The following STS variants were observed in gnomAD, a reference collection of about 807,000 sequenced individuals.
STS encodes steryl-sulfatase.
In STS, 7 loss-of-function variants were observed where a neutral mutation model predicts 26.8. The observed-to-expected ratio is 0.26, with a 90% CI of 0.15 to 0.49. The LOEUF (loss-of-function observed/expected upper bound fraction) is 0.49. Among genes scored for constraint, STS ranks in the 20% least tolerant of loss-of-function variants. STS has a pLI of 0.98. For synonymous variants in STS, 199 were observed against 189.4 expected (o/e 1.05, Z -0.42); for missense variants, 434 against 465.6 (o/e 0.93, Z 0.63).
At chrX:7,347,690 A>G (rs1239840776) in intron 10 of STS, among the ~76,000 whole-genome samples, 1 of 111,701 alleles carries the variant, frequency 9.0e-6, no homozygotes, top group African/African-American at 3.3e-5. Context: ...CTTGACTCGA[A>G]TGTCAAGTTC....
chrX:7,153,375 T>C (rs1459183971), intron 1 of STS, among the ~76,000 whole-genome samples: 1 of 91,866 alleles, frequency 1.1e-5, no homozygotes, highest in Non-Finnish European at 2.1e-5. Context: ...CTCCACTCTC[T>C]CCCTCTCTCA....
intron 6 of STS, among the ~76,000 whole-genome samples, chrX:7,268,959 G>A (rs1326806881): frequency 9.2e-6 from 1 of 109,279 alleles, no homozygotes; most frequent in Non-Finnish European, 1.9e-5. Flanking sequence ...GACCAGCCTG[G>A]GCAATATAGT....
chrX:7,273,784 A>G (rs1295718533), intron 6 of STS, among the ~76,000 whole-genome samples: 2 of 110,641 alleles, frequency 1.8e-5, no homozygotes, highest in Non-Finnish European at 3.8e-5. Flanking sequence ...CCTATTAAAA[A>G]AAAAAGAAAT....
chrX:7,294,479 C>T (rs761824910), intron 7 of STS, among the ~76,000 whole-genome samples: 2 of 111,108 alleles, frequency 1.8e-5, no homozygotes, highest in East Asian at 5.7e-4. Flanking sequence ...TGAATACTAT[C>T]AATAATTAGC....
At chrX:7,339,540 C>G (rs1408885794) in intron 10 of STS, among the ~76,000 whole-genome samples, 1 of 112,247 alleles carries the variant, frequency 8.9e-6, no homozygotes, top group Non-Finnish European at 1.9e-5. Flanking sequence ...TTATTTCACT[C>G]ATGTGCCTGT....
At chrX:7,229,875 C>CT (rs1362149143) in intron 2 of STS, among the ~76,000 whole-genome samples, 4 of 106,857 alleles carry the variant, frequency 3.7e-5, no homozygotes, top group African/African-American at 1.4e-4. Context: ...CATCTTCAGC[C>CT]TTTTTTTTGT....
Position 7,257,277 on chromosome X carries a change from T to G in STS, c.173T>G (p.Val58Gly), listed in dbSNP as rs1923462449. 1.7e-6 allele frequency: 2 copies of G among 1,209,202 alleles called. No individual in the cohort carries two copies. The highest frequency in any genetic ancestry group is 3.5e-5 in the African/African-American group (2 of 57,164). ...PNIDRLASGGVKLTQHLAASP... is the reference protein window; with the variant it reads ...PNIDRLASGGGKLTQHLAASP... ...ATCGACCGGTTGGCCAGTGGGGGAG[T>G]GAAACTCACTCAGCACCTGGCAGCA... The change falls in exon 4 of 11, where the codon GTG (valine) becomes GGG (glycine). Residue 58 changes from valine to glycine, a missense_variant. Physicochemically the swap from Val to Gly is moderately radical, Grantham distance 109. Transcript: ENST00000674429.
At chrX:7,152,701 G>A (rs1601615583) in intron 1 of STS, among the ~76,000 whole-genome samples, 8 of 112,873 alleles carry the variant, frequency 7.1e-5, no homozygotes, top group Admixed American at 9.3e-5. Context: ...GGGAGGAGGG[G>A]AGACATCATT....
chrX:7,279,560 T>C (rs973130440), intron 7 of STS, among the ~76,000 whole-genome samples: 5 of 108,174 alleles, frequency 4.6e-5, no homozygotes, highest in South Asian at 8.1e-4. Flanking sequence ...AGAGATTATC[T>C]TGTAATTTAA....
At chrX:7,203,845 C>T (rs1934123232) in intron 2 of STS, among the ~76,000 whole-genome samples, 1 of 111,351 alleles carries the variant, frequency 9.0e-6, no homozygotes, top group Non-Finnish European at 1.9e-5. Flanking sequence ...AATACGATGG[C>T]ACAGTCATAG....
chrX:7,157,889 C>A (rs914035473), intron 1 of STS, among the ~76,000 whole-genome samples: 1 of 111,531 alleles, frequency 9.0e-6, no homozygotes, highest in Non-Finnish European at 1.9e-5. Context: ...ACAGGATACT[C>A]ATTTGACAGC....
intron 10 of STS, among the ~76,000 whole-genome samples, chrX:7,344,819 T>C: frequency 9.0e-6 from 1 of 111,528 alleles, no homozygotes; most frequent in Non-Finnish European, 1.9e-5. Flanking sequence ...GTGTCTATCA[T>C]GCGCGCAGTG....
At chrX:7,277,630 C>A (rs1924604383) in intron 7 of STS, among the ~76,000 whole-genome samples, 2 of 111,383 alleles carry the variant, frequency 1.8e-5, no homozygotes, top group Admixed American at 9.6e-5. Context: ...TAGGCGAGTT[C>A]TGAGGTTCTT....
At chrX:7,261,320 A>T (rs748861152) in intron 6 of STS, among the ~76,000 whole-genome samples, 1 of 111,796 alleles carries the variant, frequency 8.9e-6, no homozygotes, top group South Asian at 3.7e-4. Flanking sequence ...TAATTGCATG[A>T]CACAAAATTG....
chrX:7,314,777 C>A (rs1926640585), intron 8 of STS, among the ~76,000 whole-genome samples: 1 of 112,107 alleles, frequency 8.9e-6, no homozygotes, highest in Admixed American at 9.5e-5. Flanking sequence ...TGTGGTCAAG[C>A]GTGCTCTGCA....
intron 2 of STS, among the ~76,000 whole-genome samples, chrX:7,234,513 G>A (rs17331438): frequency 0.035 from 3,872 of 111,968 alleles, 118 homozygotes; most frequent in East Asian, 0.23. Flanking sequence ...TGTAGGGCTG[G>A]GACAGAGACT....
chrX:7,328,555 ATT>A (rs144329312), intron 9 of STS, among the ~76,000 whole-genome samples: 6 of 87,235 alleles, frequency 6.9e-5, no homozygotes, highest in African/African-American at 2.6e-4. Flanking sequence ...TGCTGACCTC[ATT>A]TTTTTTTTTT....
intron 1 of STS, among the ~76,000 whole-genome samples, chrX:7,160,133 C>T (rs1390774159): frequency 3.6e-5 from 4 of 111,967 alleles, no homozygotes; most frequent in African/African-American, 1.3e-4. Context: ...CAGAAAATTG[C>T]TTACGGGGAA....
chrX:7,198,460 A>G (rs540147178), intron 2 of STS, among the ~76,000 whole-genome samples: 1 of 111,058 alleles, frequency 9.0e-6, no homozygotes, highest in East Asian at 2.8e-4. Flanking sequence ...CCAACTGGGG[A>G]GGTTGAGAAT....
Sources: allele counts gnomAD v4.1 joint callset (sites outside exome capture counted in the v4.1 genomes callset), GRCh38; gene constraint gnomAD v4.1.1; transcripts MANE v1.5; gene names NCBI Gene and HGNC (gene_info 2026-07-23, HGNC 2026-07-21).